GALNTL6: variants seen among roughly 807,000 people sequenced by gnomAD.
GALNTL6 encodes the protein polypeptide N-acetylgalactosaminyltransferase-like 6.
A neutral mutation model predicts 73.7 loss-of-function variants in GALNTL6; 46 were observed. The observed-to-expected ratio is 0.62, with a 90% CI of 0.49 to 0.80. The LOEUF (loss-of-function observed/expected upper bound fraction) is 0.80. Ranked by LOEUF, GALNTL6 falls within the 30% of genes least tolerant of loss-of-function variation. The pLI is 0.00. For missense variants in GALNTL6, 604 were observed against 755.0 expected, an observed-to-expected ratio of 0.80 and a Z score of 2.34; for synonymous variants, 259 against 263.7, an observed-to-expected ratio of 0.98 and a Z score of 0.17.
At chr4:172,971,210 T>C (rs1228930163) in intron 10 of GALNTL6, among the ~76,000 whole-genome samples, 1 of 152,230 alleles carries the variant, frequency 6.6e-6, no homozygotes, top group Non-Finnish European at 1.5e-5. Flanking sequence ...CCCCTCAATC[T>C]TGGACTTCCC....
chr4:172,227,510 T>C (rs1478814109), intron 2 of GALNTL6, among the ~76,000 whole-genome samples: 1 of 151,938 alleles, frequency 6.6e-6, no homozygotes, highest in East Asian at 1.9e-4. Flanking sequence ...CCCAGAAGAG[T>C]CTAACTGCCC....
intron 5 of GALNTL6, among the ~76,000 whole-genome samples, chr4:172,586,253 T>C (rs1479816750): frequency 6.6e-6 from 1 of 152,200 alleles, no homozygotes; most frequent in Non-Finnish European, 1.5e-5. Context: ...TTCTTACCTA[T>C]AAAGGAAAGA....
intron 3 of GALNTL6, among the ~76,000 whole-genome samples, chr4:172,273,986 C>A (rs1439858546): frequency 2.0e-5 from 3 of 152,084 alleles, no homozygotes; most frequent in African/African-American, 7.2e-5. Flanking sequence ...ATTCCAAAAT[C>A]AAAAATGGTC....
chr4:172,276,712 A>G lies in GALNTL6; in HGVS notation c.248-34902A>G, dbSNP rs1373113368. 5.9e-5 allele frequency among the ~76,000 whole-genome samples: 9 copies of G among 152,058 alleles called. 1 individual carries two copies. The highest frequency in any genetic ancestry group is 5.9e-4 in the Admixed American group (9 of 15,246). On this transcript the variant is annotated intron_variant, in intron 3 of 12. Transcript: ENST00000506823. Reference sequence around the variant, plus strand: ...TTTGTATTTGCCTGTGTTACACTATATGCTGATTTTAAAACAAAATTAATT... The same window carrying G: ...TTTGTATTTGCCTGTGTTACACTATGTGCTGATTTTAAAACAAAATTAATT...
At chr4:172,381,590 A>G (rs1319215888) in intron 5 of GALNTL6, among the ~76,000 whole-genome samples, 1 of 152,152 alleles carries the variant, frequency 6.6e-6, no homozygotes, top group Non-Finnish European at 1.5e-5. Flanking sequence ...ATTTTGTAGC[A>G]TGTATCAATA....
chr4:172,948,341 C>T (rs1205374992), intron 9 of GALNTL6, among the ~76,000 whole-genome samples: 1 of 152,136 alleles, frequency 6.6e-6, no homozygotes, highest in Non-Finnish European at 1.5e-5. Context: ...GAAAAGGAAT[C>T]GATGATTTCA....
intron 2 of GALNTL6, among the ~76,000 whole-genome samples, chr4:172,009,068 A>G (rs1353740325): frequency 6.6e-6 from 1 of 152,076 alleles, no homozygotes; most frequent in Admixed American, 6.6e-5. Context: ...ATTATGTTGC[A>G]TTGTTACTAC....
intron 5 of GALNTL6, among the ~76,000 whole-genome samples, chr4:172,360,273 A>T (rs927649890): frequency 6.6e-6 from 1 of 151,808 alleles, no homozygotes; most frequent in East Asian, 1.9e-4. Flanking sequence ...ATCATAAATG[A>T]TGTATACATT....
intron 2 of GALNTL6, among the ~76,000 whole-genome samples, chr4:172,064,059 T>C: frequency 6.6e-6 from 1 of 152,174 alleles, no homozygotes. Flanking sequence ...CCAAATAAAG[T>C]TACTCCTTTT....
At chr4:172,838,524 A>T (rs1452950880) in intron 7 of GALNTL6, among the ~76,000 whole-genome samples, 1 of 152,196 alleles carries the variant, frequency 6.6e-6, no homozygotes, top group East Asian at 1.9e-4. Flanking sequence ...TGGTGCTTGT[A>T]ACAAATTCCT....
intron 2 of GALNTL6, among the ~76,000 whole-genome samples, chr4:171,884,769 G>A (rs764794135): frequency 1.3e-5 from 2 of 151,902 alleles, no homozygotes; most frequent in African/African-American, 2.4e-5. Context: ...AGAATGTGTT[G>A]TTTAGGCTGG....
intron 2 of GALNTL6, among the ~76,000 whole-genome samples, chr4:172,102,542 G>C (rs1446425561): frequency 6.6e-6 from 1 of 151,898 alleles, no homozygotes; most frequent in African/African-American, 2.4e-5. Context: ...CAATTGAGAG[G>C]TATTTCCACA....
rs146666308 is a variant in GALNTL6 at position 172,227,042 on chromosome 4, C to T, written c.139-2614C>T. Among the ~76,000 whole-genome samples the T allele has an allele frequency of 1.8e-3, 280 of 152,210 alleles. 1 individual carries two copies. Among genetic ancestry groups the T allele is most frequent in the African/African-American group, 6.1e-3 (255 of 41,536 alleles). On this transcript the variant is annotated intron_variant, in intron 2 of 12. Coordinates refer to ENST00000506823, the MANE Select transcript of GALNTL6 (RefSeq NM_001034845.3). The stretch of plus-strand genomic sequence containing the variant: ...GTCTCTTAATTATACGTTAAAGGCT[C>T]CCCAAAATCCCTGGAAATCTTTTGC...
intron 2 of GALNTL6, among the ~76,000 whole-genome samples, chr4:172,050,612 C>T (rs540604628): frequency 6.6e-6 from 1 of 152,192 alleles, no homozygotes; most frequent in South Asian, 2.1e-4. Context: ...GCCAGTGGAC[C>T]CATTTGGTGT....
intron 7 of GALNTL6, among the ~76,000 whole-genome samples, chr4:172,881,493 G>A (rs1315207159): frequency 6.6e-6 from 1 of 152,092 alleles, no homozygotes; most frequent in Non-Finnish European, 1.5e-5. Context: ...ATTAAATCAA[G>A]TACCATCTTA....
At chr4:172,356,684 A>G (rs1201250787) in intron 5 of GALNTL6, among the ~76,000 whole-genome samples, 12 of 152,216 alleles carry the variant, frequency 7.9e-5, no homozygotes, top group Admixed American at 7.9e-4. Flanking sequence ...TTAGAATAAT[A>G]GGATCTTTGA....
At position 172,193,367 on chromosome 4, in the gene GALNTL6, A is replaced by G. The variant is rs1235426270; in HGVS notation, c.139-36289A>G. 2.0e-5 allele frequency among the ~76,000 whole-genome samples: 3 copies of G among 152,102 alleles called. No individual in the cohort carries two copies. The East Asian group carries it at 5.8e-4, about 29-fold the overall frequency. On this transcript the variant is annotated intron_variant, in intron 2 of 12. Transcript: ENST00000506823. ...TTCAGCATTCACTGGTGATGCCTCC[A>G]GGTGCAGGAGGAACCCAGGAGAATG...
At position 172,175,172 on chromosome 4, in the gene GALNTL6, G is replaced by A. The variant is rs187251992; in HGVS notation, c.139-54484G>A. Among the ~76,000 whole-genome samples, 356 of 152,130 alleles carry A rather than the reference G, an allele frequency of 2.3e-3. 1 individual carries two copies. The highest frequency in any genetic ancestry group is 0.01 in the Middle Eastern group (3 of 294). Reference sequence around the variant, plus strand: ...GCTCACTGCACTCTCCACCTCTGGGGTTCAAGTGATTCTCCTGCCTCAGCC... The same window carrying A: ...GCTCACTGCACTCTCCACCTCTGGGATTCAAGTGATTCTCCTGCCTCAGCC... On this transcript the variant is annotated intron_variant, in intron 2 of 12. Coordinates refer to ENST00000506823, the MANE Select transcript of GALNTL6 (RefSeq NM_001034845.3).
intron 4 of GALNTL6, 71 bp from the exon 5 acceptor site, chr4:172,348,452 G>A (rs543472551): frequency 1.3e-5 from 16 of 1,244,150 alleles, no homozygotes; most frequent in Non-Finnish European, 1.8e-5. Flanking sequence ...ATAACATAAT[G>A]AATAAACAAC....
Sources: gnomAD v4.1 joint callset for allele counts (sites outside exome capture counted in the v4.1 genomes callset) on GRCh38, gnomAD v4.1.1 for gene constraint, MANE v1.5 for transcripts, NCBI Gene and HGNC (gene_info 2026-07-23, HGNC 2026-07-21) for gene names.